Variants in BANP observed in about 807,000 individuals in gnomAD.
The protein encoded by BANP is protein BANP.
Under a neutral mutation model 68.1 loss-of-function variants are expected in BANP, and 11 were observed. The ratio of observed to expected loss-of-function variants is 0.16; its 90% CI spans 0.10 to 0.27. The LOEUF is 0.27. Ranked by LOEUF, BANP falls within the 10% of genes least tolerant of loss-of-function variation. The probability of loss-of-function intolerance (pLI) is 1.00; values close to 1 mark genes in which losing one functional copy is unlikely to be tolerated. For missense variants in BANP, 504 were observed against 722.7 expected (o/e 0.70, Z 3.47); for synonymous variants, 329 against 303.2 (o/e 1.09, Z -0.88).
intron 1 of BANP, among the ~76,000 whole-genome samples, chr16:87,959,661 G>A (rs937247499): frequency 6.6e-6 from 1 of 152,280 alleles, no homozygotes; most frequent in East Asian, 1.9e-4. Flanking sequence ...GAGCATTGGA[G>A]GACAAAGAGA....
At chr16:87,980,238 A>AC (rs2062992798) in intron 2 of BANP, among the ~76,000 whole-genome samples, 1 of 152,264 alleles carries the variant, frequency 6.6e-6, no homozygotes, top group Non-Finnish European at 1.5e-5. Context: ...GCAAATGTGT[A>AC]AATTTTAAAA....
At chr16:88,076,531 C>T in intron 13 of BANP, 59 bp from the exon 14 acceptor site, 2 of 1,476,094 alleles carry the variant, frequency 1.4e-6, no homozygotes, top group Non-Finnish European at 9.4e-7. Context: ...TCATGACACC[C>T]CCTGGCCATG....
At chr16:87,976,871 G>C (rs1422734016) in intron 2 of BANP, among the ~76,000 whole-genome samples, 4 of 152,148 alleles carry the variant, frequency 2.6e-5, no homozygotes, top group Non-Finnish European at 5.9e-5. Flanking sequence ...CCTGTTTCTA[G>C]TTCAGAAGGC....
intron 1 of BANP, among the ~76,000 whole-genome samples, chr16:87,968,304 G>A (rs1194127325): frequency 6.6e-6 from 1 of 151,558 alleles, no homozygotes; most frequent in Non-Finnish European, 1.5e-5. Flanking sequence ...ACCCAACATG[G>A]TGAAACCCCA....
intron 4 of BANP, among the ~76,000 whole-genome samples, chr16:87,995,049 G>A (rs531554423): frequency 1.7e-4 from 26 of 152,238 alleles, no homozygotes; most frequent in Admixed American, 7.2e-4. Flanking sequence ...GGGGTCCTCA[G>A]TCTGGGAAGG....
At chr16:88,016,010 C>T (rs552552067) in intron 6 of BANP, among the ~76,000 whole-genome samples, 42 of 152,306 alleles carry the variant, frequency 2.8e-4, no homozygotes, top group Non-Finnish European at 2.1e-4. Flanking sequence ...TCCCATTTGC[C>T]AGCATGGGCC....
intron 7 of BANP, among the ~76,000 whole-genome samples, chr16:88,022,075 C>A (rs1277967254): frequency 2.6e-5 from 4 of 152,138 alleles, no homozygotes; most frequent in Admixed American, 6.5e-5. Flanking sequence ...CGAATTTGGG[C>A]AGCTAACCAA....
intron 1 of BANP, among the ~76,000 whole-genome samples, chr16:87,969,727 T>A (rs765776406): frequency 3.0e-4 from 45 of 152,106 alleles, no homozygotes; most frequent in Admixed American, 7.9e-4. Flanking sequence ...AGAGACGGGC[T>A]TTCACCATGT....
In BANP at chr16:88,003,974, G is replaced by C. The variant is rs531278360; in HGVS notation, c.363-321G>C. ...AACTGGGTGCGATAACAGCTGGTGCGGTTGCAGTCTATTCTGTCACAAGTT... is the reference window on the plus strand; with the variant it reads ...AACTGGGTGCGATAACAGCTGGTGCCGTTGCAGTCTATTCTGTCACAAGTT... On this transcript the variant is annotated intron_variant, in intron 4 of 13. Transcript: ENST00000682872. This position sits in a 1 kb window ranked among gnomAD's most constrained non-coding sequence, Gnocchi z 6.1. 2 of 335,380 alleles carry C rather than the reference G, an allele frequency of 6.0e-6. No homozygotes were observed. Among genetic ancestry groups the C allele is most frequent in the African/African-American group, 4.3e-5 (2 of 46,276 alleles). The allele number at this position is 335,380 out of a possible 1,614,324, so 20.8% of individuals were successfully genotyped here.
At chr16:88,072,044 C>T (rs777618514) in intron 12 of BANP, 25 bp from the exon 13 acceptor site, 17 of 1,552,074 alleles carry the variant, frequency 1.1e-5, no homozygotes, top group African/African-American at 5.4e-5. Flanking sequence ...ACGCCGCTGA[C>T]GGGCCCCCGT....
intron 10 of BANP, 174 bp from the exon 11 acceptor site, chr16:88,037,799 A>AT (rs2079729234): frequency 4.7e-6 from 3 of 633,414 alleles, no homozygotes; most frequent in Non-Finnish European, 8.6e-6. Context: ...GTACCTAGAA[A>AT]TGTCAATATT....
chr16:87,963,970 T>C (rs2059617737), intron 1 of BANP, among the ~76,000 whole-genome samples: 1 of 152,232 alleles, frequency 6.6e-6, no homozygotes, highest in Non-Finnish European at 1.5e-5. Context: ...TTAAATACTT[T>C]TGCAGCTGTC....
At chr16:88,058,706 T>C (rs2085833816) in intron 11 of BANP, among the ~76,000 whole-genome samples, 2 of 146,200 alleles carry the variant, frequency 1.4e-5, no homozygotes, top group Non-Finnish European at 3.1e-5. Context: ...TCTGAGACCA[T>C]GGGACTGGGA....
intron 6 of BANP, among the ~76,000 whole-genome samples, chr16:88,008,901 A>G (rs930779844): frequency 1.3e-5 from 2 of 152,206 alleles, no homozygotes; most frequent in Non-Finnish European, 2.9e-5. Flanking sequence ...TCATCCCATT[A>G]GGAGGAAACA....
intron 8 of BANP, among the ~76,000 whole-genome samples, 168 bp from the exon 9 acceptor site, chr16:88,032,941 T>C (rs2078519968): frequency 6.6e-6 from 1 of 152,218 alleles, no homozygotes; most frequent in Non-Finnish European, 1.5e-5. Flanking sequence ...GACTCACTGG[T>C]AGTGATCTCT....
chr16:87,966,119 G>C (rs1214754998), intron 1 of BANP, among the ~76,000 whole-genome samples: 1 of 152,210 alleles, frequency 6.6e-6, no homozygotes, highest in Non-Finnish European at 1.5e-5. Context: ...ATATTCTGGA[G>C]ATCTTTCCAT....
intron 11 of BANP, among the ~76,000 whole-genome samples, chr16:88,054,508 C>T (rs1235165541): frequency 6.6e-6 from 1 of 152,166 alleles, no homozygotes; most frequent in African/African-American, 2.4e-5. Flanking sequence ...ATGACCTCTA[C>T]CACCATTGTC....
intron 6 of BANP, among the ~76,000 whole-genome samples, chr16:88,012,474 A>G (rs937080751): frequency 2.0e-5 from 3 of 152,190 alleles, no homozygotes; most frequent in African/African-American, 7.2e-5. Flanking sequence ...TGTGGAACGT[A>G]ACACCATGCT....
chr16:88,072,783 G>T (rs527874868), intron 13 of BANP, among the ~76,000 whole-genome samples: 1 of 152,366 alleles, frequency 6.6e-6, no homozygotes, highest in East Asian at 1.9e-4. Context: ...GATGCCGTGG[G>T]CTGTTTGCTC....
Sources: allele counts gnomAD v4.1 joint callset (sites outside exome capture counted in the v4.1 genomes callset), GRCh38; gene constraint gnomAD v4.1.1; non-coding constraint Gnocchi (gnomAD v3.1); transcripts MANE v1.5; gene names NCBI Gene and HGNC (gene_info 2026-07-23, HGNC 2026-07-21).